Variants in EML5 observed in about 807,000 individuals in gnomAD.
EML5 encodes the protein echinoderm microtubule-associated protein-like 5.
Under a neutral mutation model 250.0 loss-of-function variants are expected in EML5, and 120 were observed. The ratio of observed to expected loss-of-function variants is 0.48; its 90% CI spans 0.41 to 0.56. The LOEUF is 0.56. Ranked by LOEUF, EML5 falls within the 20% of genes least tolerant of loss-of-function variation. The pLI, the probability that EML5 is intolerant of heterozygous loss-of-function variation, is 0.00. For synonymous variants in EML5, 771 were observed against 806.5 expected, an observed-to-expected ratio of 0.96 and a Z score of 0.75; for missense variants, 2,006 against 2,437.6, an observed-to-expected ratio of 0.82 and a Z score of 3.73.
At chr14:88,730,323 C>A (rs1215372819) in intron 7 of EML5, among the ~76,000 whole-genome samples, 2 of 152,148 alleles carry the variant, frequency 1.3e-5, no homozygotes, top group African/African-American at 4.8e-5. Flanking sequence ...CAGAATATCT[C>A]ATCACAGAAG....
chr14:88,618,866 C>A, intron 39 of EML5, 54 bp from the exon 40 acceptor site: 1 of 1,481,558 alleles, frequency 6.7e-7, no homozygotes. Flanking sequence ...ATTATAAATA[C>A]TTAAGATCAG....
intron 4 of EML5, among the ~76,000 whole-genome samples, chr14:88,742,156 T>C (rs1046214106): frequency 1.3e-5 from 2 of 152,130 alleles, no homozygotes; most frequent in Admixed American, 6.6e-5. Context: ...GAAGCCCAGG[T>C]ACCCAAATTA....
At chr14:88,665,604 A>T in intron 21 of EML5, 115 bp from the exon 22 acceptor site, 1 of 1,386,772 alleles carries the variant, frequency 7.2e-7, no homozygotes, top group Non-Finnish European at 9.8e-7. Flanking sequence ...AGGCAGGAGG[A>T]CTGCCCGCGG....
intron 9 of EML5, among the ~76,000 whole-genome samples, chr14:88,713,904 A>G (rs2093447622): frequency 6.7e-6 from 1 of 149,908 alleles, no homozygotes; most frequent in Non-Finnish European, 1.5e-5. Context: ...GTGGCAACAT[A>G]ACGGCTCACT....
At chr14:88,709,443 T>C (rs1338192500) in intron 10 of EML5, among the ~76,000 whole-genome samples, 1 of 152,004 alleles carries the variant, frequency 6.6e-6, no homozygotes, top group Non-Finnish European at 1.5e-5. Context: ...GAAAGAGATA[T>C]GAACCCATGT....
intron 2 of EML5, among the ~76,000 whole-genome samples, chr14:88,748,245 C>T (rs971917801): frequency 4.6e-5 from 7 of 151,946 alleles, no homozygotes; most frequent in Non-Finnish European, 7.4e-5. Flanking sequence ...TGAGGTCATG[C>T]AAAGAAGAAA....
intron 14 of EML5, among the ~76,000 whole-genome samples, chr14:88,699,529 T>C (rs556483161): frequency 2.0e-5 from 3 of 152,192 alleles, no homozygotes; most frequent in African/African-American, 7.2e-5. Context: ...CTATTAACAC[T>C]AATAAATATG....
chr14:88,754,697 A>G lies in EML5; in HGVS notation c.198-26T>C, dbSNP rs184312625. The G allele has an allele frequency of 8.3e-4, 1,292 of 1,556,576 alleles. 3 individuals are homozygous for G. Among genetic ancestry groups the G allele is most frequent in the Non-Finnish European group, 1.0e-3 (1,191 of 1,149,988 alleles). On this transcript the variant is annotated intron_variant, in intron 1 of 43. Coordinates refer to ENST00000554922, the MANE Select transcript of EML5 (RefSeq NM_183387.3). ...CTGTAAAATAAGGAAATAAATAAGTAGTATTATTAAAAATTGCTTATACAG... is the reference window on the plus strand; with the variant it reads ...CTGTAAAATAAGGAAATAAATAAGTGGTATTATTAAAAATTGCTTATACAG...
At chr14:88,687,422 CAT>C (rs2092858687) in intron 18 of EML5, 95 bp from the exon 19 acceptor site, 1 of 860,186 alleles carries the variant, frequency 1.2e-6, no homozygotes, top group Non-Finnish European at 1.7e-6. Context: ...GAAAAAAGAA[CAT>C]AGTCAAAAGT....
intron 16 of EML5, 63 bp downstream of exon 16, chr14:88,695,298 A>T: frequency 7.3e-7 from 1 of 1,371,528 alleles, no homozygotes; most frequent in Non-Finnish European, 9.9e-7. Flanking sequence ...TTTAATTAAA[A>T]ATTTTTTTAA....
At chr14:88,714,098 A>G (rs890474426) in intron 9 of EML5, among the ~76,000 whole-genome samples, 8 of 152,110 alleles carry the variant, frequency 5.3e-5, no homozygotes, top group Non-Finnish European at 1.0e-4. Context: ...GTGGCCTCCC[A>G]AAGTGCTGGG....
intron 1 of EML5, among the ~76,000 whole-genome samples, chr14:88,765,673 G>A (rs971819733): frequency 3.3e-5 from 5 of 152,156 alleles, no homozygotes; most frequent in African/African-American, 1.2e-4. Flanking sequence ...AAAATTCACA[G>A]GTTCCAGGAA....
intron 1 of EML5, among the ~76,000 whole-genome samples, chr14:88,772,121 G>A (rs1442214898): frequency 6.6e-6 from 1 of 152,066 alleles, no homozygotes; most frequent in Non-Finnish European, 1.5e-5. Context: ...CCATTCAATT[G>A]CTCAGACCAA....
rs377704674 is a variant in EML5 at position 88,691,654 on chromosome 14, G to C, written c.2539+2653C>G. 1.8e-4 allele frequency among the ~76,000 whole-genome samples: 28 copies of C among 152,304 alleles called. No homozygotes were observed. In the East Asian group the frequency reaches 2.5e-3, roughly 14 times the overall value. On this transcript the variant is annotated intron_variant, in intron 17 of 43. Transcript: ENST00000554922. ...ATTCTCAAAGCCTAGATCTGGAATG[G>C]GAGGCAAGAAGCCCCATGTTAACCT...
chr14:88,753,936 T>G (rs2094130173), intron 2 of EML5, among the ~76,000 whole-genome samples: 1 of 152,034 alleles, frequency 6.6e-6, no homozygotes, highest in Admixed American at 6.6e-5. Flanking sequence ...GCCAGAAGTT[T>G]GAGACCAGCC....
In EML5 at chr14:88,746,202, G is replaced by T; in HGVS notation, c.439C>A (p.Pro147Thr). ...WKRGKMLSMA[P>T]GHTDRIFDIS... ...ATACTTACTCTATCTGTATGACCAGGAGCCATAGACAACATTTTTCCCCTT... is the reference window on the plus strand; with the variant it reads ...ATACTTACTCTATCTGTATGACCAGTAGCCATAGACAACATTTTTCCCCTT... Residue 147 changes from proline to threonine, a missense_variant, in exon 3 of 44, where the codon CCT becomes ACT. By Grantham distance (38) the Pro-to-Thr change is conservative. This residue lies in a region of EML5 where 162 missense variants were observed against 212.2 expected (regional missense o/e 0.76). Transcript: ENST00000554922. The T allele has an allele frequency of 6.2e-7, 1 of 1,612,754 alleles. No homozygotes were observed. Among genetic ancestry groups the T allele is most frequent in the East Asian group, 2.2e-5 (1 of 44,782 alleles).
chr14:88,621,883 CA>C (rs2089023998), intron 37 of EML5: 1 of 456,360 alleles, frequency 2.2e-6, no homozygotes, highest in African/African-American at 2.0e-5. Flanking sequence ...TGGAAACTTT[CA>C]AAATCCTCTC....
At chr14:88,728,338 CCAAT>C (rs1366220626) in intron 7 of EML5, among the ~76,000 whole-genome samples, 1 of 151,930 alleles carries the variant, frequency 6.6e-6, no homozygotes, top group African/African-American at 2.4e-5. Flanking sequence ...GTTAGAAGCA[CCAAT>C]TCCCATGCCA....
At chr14:88,663,212 C>T in intron 23 of EML5, 93 bp from the exon 24 acceptor site, 1 of 828,922 alleles carries the variant, frequency 1.2e-6, no homozygotes, top group Non-Finnish European at 1.7e-6. Flanking sequence ...GGGAAAAAAT[C>T]AGCTTAAATA....
Sources: gnomAD v4.1 joint callset for allele counts (sites outside exome capture counted in the v4.1 genomes callset) on GRCh38, gnomAD v4.1.1 for gene constraint, gnomAD v4.1.1 regional missense constraint, MANE v1.5 for transcripts, NCBI Gene and HGNC (gene_info 2026-07-23, HGNC 2026-07-21) for gene names.